CNTN5: variants seen among roughly 807,000 people sequenced by gnomAD.
CNTN5 encodes the protein contactin 5.
A neutral mutation model predicts 129.1 loss-of-function variants in CNTN5; 77 were observed. That is an observed-to-expected ratio of 0.60 (90% CI 0.50 to 0.72). The LOEUF (loss-of-function observed/expected upper bound fraction) is 0.72, where lower values mean the gene tolerates loss of function less well. CNTN5 is among the 30% of genes least tolerant of loss of function. The pLI is 0.00. For missense variants in CNTN5, 1,478 were observed against 1,328.8 expected (o/e 1.11, Z -1.75); for synonymous variants, 509 against 465.6 (o/e 1.09, Z -1.20).
At chr11:100,293,404 C>T (rs1011665508) in intron 18 of CNTN5, among the ~76,000 whole-genome samples, 1 of 151,670 alleles carries the variant, frequency 6.6e-6, no homozygotes, top group Non-Finnish European at 1.5e-5. Context: ...AAGCATAATT[C>T]CTTTGGTACT....
chr11:100,134,811 A>C (rs1946474177), intron 13 of CNTN5, among the ~76,000 whole-genome samples: 1 of 152,094 alleles, frequency 6.6e-6, no homozygotes, highest in Admixed American at 6.6e-5. Flanking sequence ...CCACCTACCA[A>C]ATACAAGCAC....
intron 13 of CNTN5, 109 bp from the exon 14 acceptor site, chr11:100,191,017 A>G (rs1948468482): frequency 1.6e-6 from 1 of 631,712 alleles, no homozygotes; most frequent in Non-Finnish European, 2.6e-6. Flanking sequence ...GTGATCCTTT[A>G]TCTTACTTAT....
intron 1 of CNTN5, among the ~76,000 whole-genome samples, chr11:99,213,199 T>TTA (rs138144371): frequency 2.1e-5 from 3 of 144,174 alleles, no homozygotes; most frequent in South Asian, 2.1e-4. Flanking sequence ...TCAAAAAAAA[T>TTA]TATATATATA....
At chr11:99,198,618 C>G (rs1859022115) in intron 1 of CNTN5, among the ~76,000 whole-genome samples, 1 of 152,030 alleles carries the variant, frequency 6.6e-6, no homozygotes, top group South Asian at 2.1e-4. Context: ...AATCACAAAG[C>G]TTATAATGAT....
intron 2 of CNTN5, among the ~76,000 whole-genome samples, chr11:99,452,370 G>GGGT (rs1944335149): frequency 1.3e-5 from 1 of 79,304 alleles, no homozygotes; most frequent in Non-Finnish European, 2.7e-5. Flanking sequence ...CTAAACACAG[G>GGGT]TGTTTTTTTT....
chr11:99,562,972 T>C (rs1948890544), intron 3 of CNTN5, among the ~76,000 whole-genome samples: 1 of 152,110 alleles, frequency 6.6e-6, no homozygotes, highest in African/African-American at 2.4e-5. Flanking sequence ...TTTTAAGATA[T>C]GGGAAAGGAA....
intron 3 of CNTN5, among the ~76,000 whole-genome samples, chr11:99,794,086 C>T (rs1230362806): frequency 6.6e-6 from 1 of 151,898 alleles, no homozygotes; most frequent in Admixed American, 6.6e-5. Flanking sequence ...GCTTTTGAAT[C>T]TGGGTGCTCC....
intron 3 of CNTN5, among the ~76,000 whole-genome samples, chr11:99,787,649 C>A (rs1219105092): frequency 1.3e-5 from 2 of 151,780 alleles, no homozygotes; most frequent in East Asian, 3.9e-4. Flanking sequence ...TTGGATATTT[C>A]CAATTATTTC....
intron 10 of CNTN5, among the ~76,000 whole-genome samples, chr11:100,068,725 T>C (rs1005679981): frequency 3.9e-5 from 6 of 152,216 alleles, no homozygotes; most frequent in African/African-American, 1.2e-4. Flanking sequence ...GATTTTTGAA[T>C]GATAGCTTGC....
At chr11:99,870,020 AG>A (rs1948461115) in intron 6 of CNTN5, among the ~76,000 whole-genome samples, 1 of 152,152 alleles carries the variant, frequency 6.6e-6, no homozygotes, top group African/African-American at 2.4e-5. Context: ...CCTAATTAAA[AG>A]GCACCACTCT....
At chr11:99,729,333 G>A (rs892527009) in intron 3 of CNTN5, among the ~76,000 whole-genome samples, 6 of 151,998 alleles carry the variant, frequency 3.9e-5, no homozygotes, top group African/African-American at 1.5e-4. Flanking sequence ...GTGGGCACAT[G>A]TTAAGGTTTG....
At chr11:100,297,551 A>T in intron 18 of CNTN5, 74 bp from the exon 19 acceptor site, 1 of 1,101,564 alleles carries the variant, frequency 9.1e-7, no homozygotes, top group Non-Finnish European at 1.4e-6. Flanking sequence ...CAAACTTCTG[A>T]CTTATCTCAG....
At chr11:99,175,324 A>G (rs1211918750) in intron 1 of CNTN5, among the ~76,000 whole-genome samples, 1 of 152,214 alleles carries the variant, frequency 6.6e-6, no homozygotes, top group East Asian at 1.9e-4. Context: ...TGTGGAAGAA[A>G]GGACAACATA....
chr11:99,727,781 T>A (rs1163184674), intron 3 of CNTN5, among the ~76,000 whole-genome samples: 1 of 152,184 alleles, frequency 6.6e-6, no homozygotes, highest in African/African-American at 2.4e-5. Context: ...CATAAAGTCA[T>A]TTTAAAACTG....
intron 6 of CNTN5, among the ~76,000 whole-genome samples, chr11:99,905,850 C>T (rs1158627805): frequency 6.6e-6 from 1 of 152,098 alleles, no homozygotes; most frequent in African/African-American, 2.4e-5. Context: ...TGAAACGGTC[C>T]TTCACATCCC....
intron 7 of CNTN5, among the ~76,000 whole-genome samples, chr11:99,945,622 C>T (rs373273706): frequency 1.1e-4 from 16 of 151,894 alleles, no homozygotes; most frequent in Admixed American, 2.0e-4. Context: ...AAATCCTACC[C>T]GCTCAGTGTT....
intron 3 of CNTN5, among the ~76,000 whole-genome samples, chr11:99,718,518 T>A (rs1012538008): frequency 1.3e-5 from 2 of 152,066 alleles, no homozygotes; most frequent in Non-Finnish European, 2.9e-5. Context: ...AAAAAGACAC[T>A]TGGGAAACAT....
chr11:100,257,892 G>C (rs935858659), intron 17 of CNTN5, among the ~76,000 whole-genome samples: 1 of 152,076 alleles, frequency 6.6e-6, no homozygotes, highest in Admixed American at 6.6e-5. Context: ...TCCTCCAAAG[G>C]ATCACAACTC....
intron 2 of CNTN5, among the ~76,000 whole-genome samples, chr11:99,497,256 C>A (rs199574226): frequency 6.6e-6 from 1 of 152,114 alleles, no homozygotes; most frequent in Non-Finnish European, 1.5e-5. Flanking sequence ...ATTTAGTAAA[C>A]CCGTATGTTT....
Sources: allele counts gnomAD v4.1 joint callset (sites outside exome capture counted in the v4.1 genomes callset), GRCh38; gene constraint gnomAD v4.1.1; transcripts MANE v1.5; gene names NCBI Gene and HGNC (gene_info 2026-07-23, HGNC 2026-07-21).